MIA3: variants seen among roughly 807,000 people sequenced by gnomAD.
The protein encoded by MIA3 is transport and Golgi organization protein 1 homolog.
Under a neutral mutation model 192.4 loss-of-function variants are expected in MIA3, and 90 were observed. The observed-to-expected ratio is 0.47, with a 90% CI of 0.39 to 0.56. The LOEUF (loss-of-function observed/expected upper bound fraction) is 0.56, where lower values mean the gene tolerates loss of function less well. Among genes scored for constraint, MIA3 ranks in the 20% least tolerant of loss-of-function variants. The pLI is 0.00. For missense variants in MIA3, 2,123 were observed against 2,269.4 expected, an observed-to-expected ratio of 0.94 and a Z score of 1.31; for synonymous variants, 740 against 792.8, an observed-to-expected ratio of 0.93 and a Z score of 1.12.
intron 1 of MIA3, among the ~76,000 whole-genome samples, chr1:222,619,760 A>G (rs1244353584): frequency 6.6e-6 from 1 of 152,352 alleles, no homozygotes; most frequent in South Asian, 2.1e-4. Context: ...CGGTTGTAAC[A>G]TAACTTGAGA....
intron 6 of MIA3, among the ~76,000 whole-genome samples, chr1:222,643,467 C>T (rs1662955379): frequency 6.6e-6 from 1 of 152,072 alleles, no homozygotes; most frequent in Admixed American, 6.5e-5. Flanking sequence ...CAGGGTTTTC[C>T]TGCTTGTTCT....
chr1:222,645,829 T>A, intron 7 of MIA3, 144 bp downstream of exon 7: 1 of 724,698 alleles, frequency 1.4e-6, no homozygotes, highest in Non-Finnish European at 2.1e-6. Flanking sequence ...TTTAGTATAA[T>A]TTTTGTGTTG....
In MIA3 at chr1:222,648,864, C is replaced by A. The variant is rs760355679; in HGVS notation, c.3631+14C>A. On this transcript the variant is annotated intron_variant, in intron 8 of 27. Coordinates refer to ENST00000344922, the MANE Select transcript of MIA3 (RefSeq NM_198551.4). The stretch of plus-strand genomic sequence containing the variant: ...GAGTATATCAAGGTAAATCTTTAGG[C>A]TTTTTTGTTATTTGTACTAGTCCCT... The A allele has an allele frequency of 3.5e-6, 5 of 1,437,436 alleles. No homozygotes were observed. Among genetic ancestry groups the A allele is most frequent in the Non-Finnish European group, 4.9e-6 (5 of 1,029,716 alleles). The allele number at this position is 1,437,436 out of a possible 1,614,324, so 89.0% of individuals were successfully genotyped here. A position where few individuals can be genotyped will look rare whatever the true frequency, so the allele number is the denominator to read the frequency against.
At chr1:222,635,024 A>T (rs1469798812) in intron 6 of MIA3, among the ~76,000 whole-genome samples, 1 of 152,248 alleles carries the variant, frequency 6.6e-6, no homozygotes, top group Non-Finnish European at 1.5e-5. Context: ...TTGGATGGTC[A>T]GAGGGCATAT....
Position 222,635,716 on chromosome 1 carries a change from C to T in MIA3, c.3477+2467C>T, listed in dbSNP as rs563423805. On this transcript the variant is annotated intron_variant, in intron 6 of 27. Coordinates refer to ENST00000344922, the MANE Select transcript of MIA3 (RefSeq NM_198551.4). ...GGAAAACTATACCAGAGGTCAGACTCGTAGATCAATAATTGATGAATAGTT... is the reference window on the plus strand; with the variant it reads ...GGAAAACTATACCAGAGGTCAGACTTGTAGATCAATAATTGATGAATAGTT... Among the ~76,000 whole-genome samples, 17 of 152,208 alleles carry T rather than the reference C, an allele frequency of 1.1e-4. No homozygotes were observed. The East Asian group carries it at 2.1e-3, about 19-fold the overall frequency.
Position 222,628,832 on chromosome 1 carries a change from G to T in MIA3, c.1612G>T (p.Gly538Ter). The T allele has an allele frequency of 6.2e-7, 1 of 1,614,108 alleles. No individual in the cohort carries two copies. Among genetic ancestry groups the T allele is most frequent in the Non-Finnish European group, 8.5e-7 (1 of 1,180,020 alleles). Residue 538 changes from glycine to a stop codon, truncating the protein, a stop_gained, in exon 4 of 28, where the codon GGA becomes TGA. Coordinates refer to ENST00000344922, the MANE Select transcript of MIA3 (RefSeq NM_198551.4). LOFTEE classifies it high-confidence loss of function. ...LKGAAIHISKGMLHEEKPGEQ... is the reference protein window; with the variant it reads ...LKGAAIHISK ...AGGAGCAGCTATTCATATCTCAAAA[G>T]GAATGCTCCACGAAGAAAAGCCTGG...
rs751168883 is a variant in MIA3, at chr1:222,653,066, A to G, written c.4145A>G (p.Lys1382Arg). The change falls in exon 14 of 28, where the codon AAA becomes AGA. Residue 1382 changes from lysine to arginine, a missense_variant. Transcript: ENST00000344922. ...CATGCTGAGCTCAGTGAGCAAATCA[A>G]ATCATTTGAGAAGTCTCAGAAAGAT... Reference protein sequence around the residue: ...KLHAELSEQIKSFEKSQKDLE... With the variant: ...KLHAELSEQIRSFEKSQKDLE... 6 of 1,613,112 alleles carry G rather than the reference A, an allele frequency of 3.7e-6. No homozygotes were observed. The East Asian group carries it at 1.3e-4, about 36-fold the overall frequency.
Position 222,628,393 on chromosome 1 carries a change from C to T in MIA3, c.1173C>T (p.Val391=), listed in dbSNP as rs1246069475. 2 of 1,613,752 alleles carry T rather than the reference C, an allele frequency of 1.2e-6. No homozygotes were observed. Among genetic ancestry groups the T allele is most frequent in the African/African-American group, 2.7e-5 (2 of 74,870 alleles). Residue 391 remains valine, a synonymous_variant, in exon 4 of 28, where the codon GTC becomes GTT. Transcript: ENST00000344922. The stretch of plus-strand genomic sequence containing the variant: ...GGGGGGACACTATCTTCTCTATTGT[C>T]ACAGGAGGTGAAGAAACAAGAGATA... ...TTWGDTIFSI[V]TGGEETRDTM...
At chr1:222,631,591 AT>A (rs1184478159) in intron 4 of MIA3, among the ~76,000 whole-genome samples, 1 of 152,174 alleles carries the variant, frequency 6.6e-6, no homozygotes, top group African/African-American at 2.4e-5. Flanking sequence ...ATTCAGATGA[AT>A]TTTCAGGGTA....
At chr1:222,664,244 A>G (rs942398448) in intron 27 of MIA3, 96 bp downstream of exon 27, 6 of 1,306,962 alleles carry the variant, frequency 4.6e-6, no homozygotes, top group Middle Eastern at 1.9e-4. Flanking sequence ...GGGCTTTGCA[A>G]TGCAGCAGTG....
intron 24 of MIA3, 32 bp from the exon 25 acceptor site, chr1:222,662,024 A>T (rs1664039285): frequency 1.9e-6 from 3 of 1,566,924 alleles, no homozygotes; most frequent in Non-Finnish European, 2.6e-6. Flanking sequence ...TCCAAAAAAT[A>T]CATATAAGGA....
intron 18 of MIA3, among the ~76,000 whole-genome samples, chr1:222,655,369 C>T (rs945016348): frequency 3.3e-5 from 5 of 151,970 alleles, no homozygotes; most frequent in Admixed American, 6.5e-5. Context: ...GAGCGAGGTA[C>T]CTTTTGAGAG....
At position 222,628,136 on chromosome 1, in the gene MIA3, G is replaced by T; in HGVS notation, c.916G>T (p.Glu306Ter). ...VTSLEDDFDE[E>*]LDTEYYAVGK... ...TTCATTAGAAGATGATTTTGATGAG[G>T]AATTGGATACTGAGTATTATGCAGT... The change falls in exon 4 of 28, where the codon GAA (glutamate) becomes TAA (stop). Residue 306 changes from glutamate to a stop codon, truncating the protein, a stop_gained. Transcript: ENST00000344922. LOFTEE classifies it high-confidence loss of function. The T allele has an allele frequency of 6.2e-7, 1 of 1,613,886 alleles. No homozygotes were observed. Among genetic ancestry groups the T allele is most frequent in the East Asian group, 2.2e-5 (1 of 44,878 alleles).
chr1:222,643,036 GT>G (rs1159794972), intron 6 of MIA3, among the ~76,000 whole-genome samples: 3 of 152,074 alleles, frequency 2.0e-5, no homozygotes, highest in African/African-American at 4.8e-5. Flanking sequence ...GGTTGGGCAA[GT>G]TTTTTTGGTT....
chr1:222,662,185 T>G (rs889155580), intron 25 of MIA3, 61 bp downstream of exon 25: 10 of 1,595,398 alleles, frequency 6.3e-6, no homozygotes, highest in Non-Finnish European at 8.6e-6. Flanking sequence ...AGAGGATTTT[T>G]TTTTTAATCC....
At chr1:222,664,937 G>A in intron 27 of MIA3, 1 of 469,984 alleles carries the variant, frequency 2.1e-6, no homozygotes, top group Non-Finnish European at 4.4e-6. Flanking sequence ...AGCACTTTAT[G>A]AATCCCAGCA....
chr1:222,650,728 G>A lies in MIA3; in HGVS notation c.3798+17G>A, dbSNP rs751421300. 1 of 1,571,476 alleles carries A rather than the reference G, an allele frequency of 6.4e-7. No individual in the cohort carries two copies. The highest frequency in any genetic ancestry group is 1.2e-5 in the South Asian group (1 of 86,758). On this transcript the variant is annotated intron_variant, in intron 10 of 27. Transcript: ENST00000344922. ...AAATATAAGGTAAAAACTTCTTTTG[G>A]GGATTACATTTTAAAACAAAAGTAA...
intron 6 of MIA3, chr1:222,644,543 C>A (rs1248615353): frequency 6.4e-6 from 10 of 1,550,598 alleles, no homozygotes; most frequent in Admixed American, 2.0e-5. Context: ...CTTGTGGGAC[C>A]CTTGTCTGTG....
intron 7 of MIA3, 27 bp from the exon 8 acceptor site, chr1:222,648,802 A>C (rs761338553): frequency 1.6e-6 from 2 of 1,244,596 alleles, no homozygotes; most frequent in African/African-American, 3.0e-5. Flanking sequence ...GTTTGACATC[A>C]AATTTAATTT....
Sources: allele counts gnomAD v4.1 joint callset (sites outside exome capture counted in the v4.1 genomes callset), GRCh38; gene constraint gnomAD v4.1.1; transcripts MANE v1.5; gene names NCBI Gene and HGNC (gene_info 2026-07-23, HGNC 2026-07-21).